RFX3: variants seen among roughly 807,000 people sequenced by gnomAD.
RFX3 encodes regulatory factor X3.
In RFX3, 14 loss-of-function variants were observed where a neutral mutation model predicts 98.6. That is an observed-to-expected ratio of 0.14 (90% confidence interval 0.09 to 0.22). The LOEUF (loss-of-function observed/expected upper bound fraction) is 0.22. Ranked by LOEUF, RFX3 falls within the 10% of genes least tolerant of loss-of-function variation. RFX3 has a pLI of 1.00. For missense variants in RFX3, 639 were observed against 926.9 expected (o/e 0.69, Z 4.03); for synonymous variants, 383 against 328.4 (o/e 1.17, Z -1.80).
At chr9:3,412,302 G>A (rs1416459282) in intron 1 of RFX3, among the ~76,000 whole-genome samples, 1 of 152,124 alleles carries the variant, frequency 6.6e-6, no homozygotes, top group Non-Finnish European at 1.5e-5. Context: ...CTTGAGTCAT[G>A]GTTAGTGCCA....
At chr9:3,282,600 G>A (rs1017757892) in intron 7 of RFX3, among the ~76,000 whole-genome samples, 1 of 151,754 alleles carries the variant, frequency 6.6e-6, no homozygotes, top group Non-Finnish European at 1.5e-5. Context: ...TGCTGAAAGA[G>A]GCAGACATGA....
chr9:3,360,534 C>T (rs1836296604), intron 2 of RFX3, among the ~76,000 whole-genome samples: 1 of 151,992 alleles, frequency 6.6e-6, no homozygotes, highest in Admixed American at 6.6e-5. Context: ...AATTATCCCC[C>T]AAATATAAAT....
chr9:3,505,295 T>C lies in RFX3; in HGVS notation c.-9+20452A>G, dbSNP rs1484058145. ...ATATGAATATATACATTTTTATATTTATATATATATAAATATATATTAATG... is the reference window on the plus strand; with the variant it reads ...ATATGAATATATACATTTTTATATTCATATATATATAAATATATATTAATG... On this transcript the variant is annotated intron_variant, in intron 1 of 16. Coordinates refer to ENST00000617270, the MANE Select transcript of RFX3 (RefSeq NM_001282116.2). Among the ~76,000 whole-genome samples, 48 of 100,932 alleles carry C rather than the reference T, an allele frequency of 4.8e-4. 4 individuals are homozygous for C. Among genetic ancestry groups the C allele is most frequent in the African/African-American group, 1.8e-3 (44 of 23,834 alleles). The allele number at this position is 100,932 out of a possible 152,430, so 66.2% of individuals were successfully genotyped here.
intron 1 of RFX3, among the ~76,000 whole-genome samples, chr9:3,450,748 A>AT (rs148784645): frequency 2.0e-5 from 3 of 152,118 alleles, no homozygotes; most frequent in South Asian, 2.1e-4. Flanking sequence ...TCATTACAGA[A>AT]TTTTTTTAAA....
chr9:3,482,838 G>C (rs1045925735), intron 1 of RFX3, among the ~76,000 whole-genome samples: 2 of 152,002 alleles, frequency 1.3e-5, no homozygotes, highest in Non-Finnish European at 2.9e-5. Flanking sequence ...TAAGGGCCTA[G>C]AGACCTTGAT....
At chr9:3,504,972 A>G (rs183539594) in intron 1 of RFX3, among the ~76,000 whole-genome samples, 6 of 66,264 alleles carry the variant, frequency 9.1e-5, no homozygotes, top group East Asian at 9.6e-4. Flanking sequence ...TATAATATAT[A>G]TTATATAATA....
intron 9 of RFX3, among the ~76,000 whole-genome samples, chr9:3,271,962 A>T (rs1162512694): frequency 6.6e-6 from 1 of 151,490 alleles, no homozygotes; most frequent in East Asian, 1.9e-4. Context: ...TCTCCTTTTC[A>T]AATCTCGGGG....
Sources: gnomAD v4.1 joint callset for allele counts (sites outside exome capture counted in the v4.1 genomes callset) on GRCh38, gnomAD v4.1.1 for gene constraint, MANE v1.5 for transcripts, NCBI Gene and HGNC (gene_info 2026-07-23, HGNC 2026-07-21) for gene names.